Variants in ANKRD36 observed in about 807,000 individuals in gnomAD.
The protein encoded by ANKRD36 is ankyrin repeat domain-containing protein 36A.
Under a neutral mutation model 278.1 loss-of-function variants are expected in ANKRD36, and 179 were observed. That is an observed-to-expected ratio of 0.64 (90% CI 0.57 to 0.73). The LOEUF is 0.73. Ranked by LOEUF, ANKRD36 falls within the 30% of genes least tolerant of loss-of-function variation. The pLI is 0.00. For missense variants in ANKRD36, 1,159 were observed against 1,956.7 expected (o/e 0.59, Z 7.69); for synonymous variants, 320 against 641.1 (o/e 0.50, Z 7.57).
At chr2:97,211,179 A>G (rs1319686906) in intron 56 of ANKRD36, among the ~76,000 whole-genome samples, 3 of 151,898 alleles carry the variant, frequency 2.0e-5, no homozygotes, top group African/African-American at 7.2e-5. Context: ...CATGAAAGAC[A>G]TGTGGGATCC....
intron 24 of ANKRD36, among the ~76,000 whole-genome samples, chr2:97,180,202 G>A (rs2055743593): frequency 6.6e-6 from 1 of 151,572 alleles, no homozygotes; most frequent in African/African-American, 2.4e-5. Flanking sequence ...TAAGGGAGCA[G>A]CATAATTTTG....
chr2:97,156,354 A>G (rs1256254317), intron 15 of ANKRD36, among the ~76,000 whole-genome samples: 3 of 144,442 alleles, frequency 2.1e-5, no homozygotes, highest in African/African-American at 4.9e-5. Flanking sequence ...ATATCTCCCA[A>G]TGCTCTCCCT....
intron 22 of ANKRD36, among the ~76,000 whole-genome samples, chr2:97,176,742 A>G (rs1247007561): frequency 6.6e-6 from 1 of 151,606 alleles, no homozygotes; most frequent in Non-Finnish European, 1.5e-5. Flanking sequence ...ACATTTTGGC[A>G]TGATTTTGCA....
chr2:97,203,482 A>G (rs1229706463), intron 48 of ANKRD36, among the ~76,000 whole-genome samples: 1 of 151,886 alleles, frequency 6.6e-6, no homozygotes, highest in Admixed American at 6.6e-5. Context: ...TTATTACACC[A>G]TATGGGGGTG....
intron 18 of ANKRD36, chr2:97,163,800 C>T (rs1050548446): frequency 2.0e-4 from 122 of 623,308 alleles, no homozygotes; most frequent in Middle Eastern, 8.0e-4. Flanking sequence ...TGGTCTCCAT[C>T]TCCTGACTTT....
Position 97,154,595 on chromosome 2 carries a change from C to G in ANKRD36, c.1194-80C>G, listed in dbSNP as rs77426384. On this transcript the variant is annotated intron_variant, in intron 14 of 75. Coordinates refer to ENST00000420699, the MANE Select transcript of ANKRD36 (RefSeq NM_001354587.1). ...TTTTACCATTTTTTTTGGAGGGGAC[C>G]TGCATGTATAGACTGACGGTTTTTG... is the stretch of plus-strand genomic sequence containing the variant. The G allele has an allele frequency of 2.8e-6, 3 of 1,055,510 alleles. No homozygotes were observed. The East Asian group carries it at 8.3e-5, about 29-fold the overall frequency. The allele number at this position is 1,055,510 out of a possible 1,614,324, so 65.4% of individuals were successfully genotyped here.
intron 32 of ANKRD36, 92 bp downstream of exon 32, chr2:97,187,493 G>GGGGGGGA: frequency 3.4e-6 from 1 of 290,678 alleles, no homozygotes; most frequent in Non-Finnish European, 7.0e-6. Context: ...CGGGTGGGGG[G>GGGGGGGA]GCTCGCCGAA....
chr2:97,191,050 T>C (rs766817645), intron 35 of ANKRD36, 44 bp downstream of exon 35: 6 of 1,600,928 alleles, frequency 3.7e-6, no homozygotes, highest in Admixed American at 1.7e-5. Context: ...AAATCTATAG[T>C]CTATGAAATA....
intron 12 of ANKRD36, among the ~76,000 whole-genome samples, chr2:97,151,574 CAT>C (rs1199585216): frequency 4.6e-5 from 7 of 151,694 alleles, no homozygotes; most frequent in Admixed American, 4.6e-4. Flanking sequence ...CTCTAAATTA[CAT>C]ATGAGTACAT....
chr2:97,200,687 C>G (rs1184019768), intron 46 of ANKRD36, among the ~76,000 whole-genome samples, 162 bp downstream of exon 46: 7 of 151,888 alleles, frequency 4.6e-5, no homozygotes, highest in Non-Finnish European at 1.0e-4. Flanking sequence ...TGCTGCTTGT[C>G]TGCAGCATGA....
chr2:97,202,234 A>G lies in ANKRD36; in HGVS notation c.2886+4A>G. ...TCAGAAACCACCAGCCTTGAAGGTA[A>G]TGAAACTCCCATTTATCTTGTGAAC... On this transcript the variant is annotated splice_donor_region_variant and intron_variant, in intron 47 of 75. Coordinates refer to ENST00000420699, the MANE Select transcript of ANKRD36 (RefSeq NM_001354587.1). The G allele has an allele frequency of 6.2e-7, 1 of 1,609,344 alleles. No homozygotes were observed. The highest frequency in any genetic ancestry group is 1.1e-5 in the South Asian group (1 of 90,806).
At position 97,204,322 on chromosome 2, in the gene ANKRD36, C is replaced by G. The variant is rs1488381123; in HGVS notation, c.3061+59C>G. The G allele has an allele frequency of 5.4e-6, 8 of 1,492,990 alleles. No homozygotes were observed. The African/African-American group carries it at 1.2e-4, about 22-fold the overall frequency. 92.5% of individuals were successfully genotyped at this position (1,492,990 alleles called of 1,614,324 possible). Reference sequence around the variant, plus strand: ...GTGCAGATAGATAAGAAGTTCTCTTCCCTGAATAAATCAGCGGGGGGCTCG... The same window carrying G: ...GTGCAGATAGATAAGAAGTTCTCTTGCCTGAATAAATCAGCGGGGGGCTCG... On this transcript the variant is annotated intron_variant, in intron 50 of 75. Transcript: ENST00000420699.
At chr2:97,135,204 G>T (rs1248348679) in intron 6 of ANKRD36, among the ~76,000 whole-genome samples, 2 of 151,856 alleles carry the variant, frequency 1.3e-5, no homozygotes, top group Admixed American at 6.6e-5. Flanking sequence ...AAGAGGTGGA[G>T]AAACTGTTGT....
intron 22 of ANKRD36, among the ~76,000 whole-genome samples, chr2:97,175,707 T>C (rs1405955241): frequency 1.3e-5 from 2 of 150,186 alleles, no homozygotes; most frequent in African/African-American, 2.4e-5. Flanking sequence ...GTTCTTTTAA[T>C]TGTGATGTTA....
chr2:97,202,688 G>C (rs2061721360), intron 48 of ANKRD36, among the ~76,000 whole-genome samples: 1 of 151,816 alleles, frequency 6.6e-6, no homozygotes, highest in Admixed American at 6.6e-5. Context: ...CCTCCAGCTT[G>C]TTTTCAGTAA....
intron 6 of ANKRD36, among the ~76,000 whole-genome samples, chr2:97,134,012 T>C (rs1350327882): frequency 6.6e-6 from 1 of 151,994 alleles, no homozygotes; most frequent in Non-Finnish European, 1.5e-5. Context: ...ATAATAAATG[T>C]ACCCGCCATT....
chr2:97,136,502 C>T lies in ANKRD36; in HGVS notation c.800-6138C>T, dbSNP rs1191642480. Among the ~76,000 whole-genome samples the T allele has an allele frequency of 2.0e-5, 3 of 151,818 alleles. 1 individual carries two copies. The highest frequency in any genetic ancestry group is 4.4e-5 in the Non-Finnish European group (3 of 67,980). ...AAGTTGATTAGAAGTTCTGGAGGCC[C>T]AGACTTGTAACTGCTGTGGGGGAAT... On this transcript the variant is annotated intron_variant, in intron 6 of 75. Transcript: ENST00000420699.
chr2:97,199,049 C>T (rs1256308382), intron 44 of ANKRD36, among the ~76,000 whole-genome samples: 8 of 151,898 alleles, frequency 5.3e-5, no homozygotes, highest in Non-Finnish European at 1.2e-4. Context: ...GTTGTAACAA[C>T]CCGTAGACAC....
At chr2:97,203,084 G>A (rs147514226) in intron 48 of ANKRD36, among the ~76,000 whole-genome samples, 102 of 151,888 alleles carry the variant, frequency 6.7e-4, no homozygotes, top group Non-Finnish European at 1.3e-3. Context: ...TACATGTTTT[G>A]TTGATTTTAG....
Sources: gnomAD v4.1 joint callset for allele counts (sites outside exome capture counted in the v4.1 genomes callset) on GRCh38, gnomAD v4.1.1 for gene constraint, MANE v1.5 for transcripts, NCBI Gene and HGNC (gene_info 2026-07-23, HGNC 2026-07-21) for gene names.